ENTREP2: variants seen among roughly 807,000 people sequenced by gnomAD.
The protein encoded by ENTREP2 is endosomal transmembrane epsin interactor 2.
the ENTREP2 span, among the ~76,000 whole-genome samples, chr15:29,615,661 G>A: frequency 6.6e-6 from 1 of 152,088 alleles, no homozygotes; most frequent in Admixed American, 6.5e-5. Context: ...AGAGGGGATG[G>A]GGCAACATCT....
chr15:29,315,536 T>C, the ENTREP2 span, among the ~76,000 whole-genome samples: 6 of 152,128 alleles, frequency 3.9e-5, no homozygotes, highest in Non-Finnish European at 5.9e-5. Context: ...AAAATACACA[T>C]CTGTTTCTCA....
the ENTREP2 span, among the ~76,000 whole-genome samples, chr15:29,489,150 G>A: frequency 6.6e-6 from 1 of 151,598 alleles, no homozygotes; most frequent in Non-Finnish European, 1.5e-5. Flanking sequence ...TAAAACATGG[G>A]AAAAACTGGC....
the ENTREP2 span, among the ~76,000 whole-genome samples, chr15:29,176,333 C>T: frequency 6.6e-6 from 1 of 152,102 alleles, no homozygotes; most frequent in African/African-American, 2.4e-5. Context: ...CCCACCTTTC[C>T]TGATTAATGC....
At chr15:29,257,935 G>C in the ENTREP2 span, among the ~76,000 whole-genome samples, 7 of 151,732 alleles carry the variant, frequency 4.6e-5, no homozygotes, top group African/African-American at 1.7e-4. Context: ...AACTTTGCTG[G>C]GCGCGGTGGC....
At chr15:29,137,669 T>C in the ENTREP2 span, among the ~76,000 whole-genome samples, 4 of 152,104 alleles carry the variant, frequency 2.6e-5, no homozygotes, top group African/African-American at 9.7e-5. Context: ...ACCCCGTCTC[T>C]ACTAAAAATA....
the ENTREP2 span, among the ~76,000 whole-genome samples, chr15:29,141,865 G>C: frequency 2.6e-5 from 4 of 152,214 alleles, no homozygotes; most frequent in African/African-American, 9.6e-5. Context: ...GCGGCCCCCT[G>C]GTCCTGCCGC....
chr15:29,505,529 C>G, the ENTREP2 span, among the ~76,000 whole-genome samples: 1 of 152,290 alleles, frequency 6.6e-6, no homozygotes, highest in Middle Eastern at 3.4e-3. The surrounding 1 kb of genome is among the most constrained non-coding windows in gnomAD (Gnocchi z 4.3). Flanking sequence ...CTGGCAGGTG[C>G]CCCTCTGAGA....
the ENTREP2 span, chr15:29,252,593 T>G: frequency 1.8e-6 from 1 of 570,788 alleles, no homozygotes; most frequent in Non-Finnish European, 3.1e-6. Flanking sequence ...CATAATTACA[T>G]GAATAACATG....
chr15:29,653,607 A>G, the ENTREP2 span, among the ~76,000 whole-genome samples: 1 of 152,172 alleles, frequency 6.6e-6, no homozygotes, highest in South Asian at 2.1e-4. Context: ...CCTTCCTGCC[A>G]CTTTGTGAAG....
At chr15:29,124,393 G>A in the ENTREP2 span, among the ~76,000 whole-genome samples, 1 of 152,212 alleles carries the variant, frequency 6.6e-6, no homozygotes. Flanking sequence ...GGAAAGCCTA[G>A]CAATTAAACA....
the ENTREP2 span, among the ~76,000 whole-genome samples, chr15:29,486,669 G>T: frequency 6.6e-6 from 1 of 152,070 alleles, no homozygotes; most frequent in Non-Finnish European, 1.5e-5. Flanking sequence ...CAGCCTGGGC[G>T]GCAGAGCGAG....
chr15:29,461,360 T>C, the ENTREP2 span, among the ~76,000 whole-genome samples: 9 of 152,212 alleles, frequency 5.9e-5, no homozygotes, highest in Non-Finnish European at 1.3e-4. Context: ...TCAAAAAAAT[T>C]TCTGATGGCC....
At chr15:29,471,528 T>C in the ENTREP2 span, among the ~76,000 whole-genome samples, 1 of 151,842 alleles carries the variant, frequency 6.6e-6, no homozygotes, top group Non-Finnish European at 1.5e-5. Context: ...GGCTACAAAG[T>C]GGCAGGAAGG....
the ENTREP2 span, among the ~76,000 whole-genome samples, chr15:29,273,689 G>A: frequency 2.6e-5 from 4 of 152,128 alleles, no homozygotes; most frequent in African/African-American, 9.7e-5. Context: ...CTGCCAGTGC[G>A]GCTAGAATAA....
the ENTREP2 span, among the ~76,000 whole-genome samples, chr15:29,646,344 A>T: frequency 6.6e-6 from 1 of 152,158 alleles, no homozygotes; most frequent in Non-Finnish European, 1.5e-5. Flanking sequence ...GGCTCGAGGA[A>T]TAACCCATTT....
At chr15:29,631,710 A>G in the ENTREP2 span, among the ~76,000 whole-genome samples, 693 of 152,240 alleles carry the variant, frequency 4.6e-3, 6 homozygotes, top group African/African-American at 0.016. Flanking sequence ...CCTCTTCCCC[A>G]TGTCTAGCTG....
chr15:29,631,710 A>AT, the ENTREP2 span, among the ~76,000 whole-genome samples: 1 of 152,122 alleles, frequency 6.6e-6, no homozygotes, highest in African/African-American at 2.4e-5. Flanking sequence ...CCTCTTCCCC[A>AT]TGTCTAGCTG....
At chr15:29,425,183 C>G in the ENTREP2 span, among the ~76,000 whole-genome samples, 350 of 144,624 alleles carry the variant, frequency 2.4e-3, 2 homozygotes, top group African/African-American at 8.4e-3. Flanking sequence ...CACCCACCAC[C>G]ACGTCCAGGT....
At chr15:29,674,130 G>GGGT in the ENTREP2 span, among the ~76,000 whole-genome samples, 1 of 103,384 alleles carries the variant, frequency 9.7e-6, no homozygotes, top group Non-Finnish European at 1.9e-5. Context: ...GCAGAGGATG[G>GGGT]GGGGGGGGGG....
Sources: allele counts gnomAD v4.1 joint callset (sites outside exome capture counted in the v4.1 genomes callset), GRCh38; gene constraint gnomAD v4.1.1; non-coding constraint Gnocchi (gnomAD v3.1); transcripts MANE v1.5; gene names NCBI Gene and HGNC (gene_info 2026-07-23, HGNC 2026-07-21).